PLCL2: variants seen among roughly 807,000 people sequenced by gnomAD.
PLCL2 encodes the protein phospholipase C like 2, also known as inactive phospholipase C-like protein 2.
PLCL2 carries 4 observed loss-of-function variants against 79.6 expected under a neutral mutation model. That is an observed-to-expected ratio of 0.05 (90% confidence interval 0.02 to 0.11). The LOEUF (loss-of-function observed/expected upper bound fraction) is 0.11. Among genes scored for constraint, PLCL2 ranks in the 10% least tolerant of loss-of-function variants. The pLI, the probability that PLCL2 is intolerant of heterozygous loss-of-function variation, is 1.00. For synonymous variants in PLCL2, 484 were observed against 457.7 expected, an observed-to-expected ratio of 1.06 and a Z score of -0.73; for missense variants, 895 against 1,291.0, an observed-to-expected ratio of 0.69 and a Z score of 4.70.
intron 5 of PLCL2, among the ~76,000 whole-genome samples, chr3:17,070,341 AG>A (rs1206196426): frequency 6.6e-6 from 1 of 152,236 alleles, no homozygotes; most frequent in Non-Finnish European, 1.5e-5. Flanking sequence ...GCTGACATAA[AG>A]CAGTGTGCCA....
chr3:16,950,165 C>T (rs1479625300), intron 1 of PLCL2, among the ~76,000 whole-genome samples: 1 of 152,078 alleles, frequency 6.6e-6, no homozygotes, highest in Non-Finnish European at 1.5e-5. Context: ...CTCTCAATTC[C>T]TTGCAAATTC....
intron 1 of PLCL2, among the ~76,000 whole-genome samples, chr3:16,909,394 G>A (rs1410901353): frequency 1.3e-5 from 2 of 152,160 alleles, no homozygotes; most frequent in African/African-American, 2.4e-5. Context: ...TCCTACAGAG[G>A]ACTGCTGTGC....
chr3:16,932,618 C>G (rs1258628911), intron 1 of PLCL2, among the ~76,000 whole-genome samples: 1 of 152,114 alleles, frequency 6.6e-6, no homozygotes, highest in Non-Finnish European at 1.5e-5. Context: ...TTGCAGTTCT[C>G]TTTTTGGAGA....
intron 1 of PLCL2, among the ~76,000 whole-genome samples, chr3:16,959,363 T>C (rs927449864): frequency 2.1e-4 from 32 of 152,232 alleles, no homozygotes; most frequent in Non-Finnish European, 4.7e-4. Context: ...ATCTTTATTT[T>C]ACGAAATTCA....
At chr3:17,075,199 C>T (rs1167074890) in intron 5 of PLCL2, among the ~76,000 whole-genome samples, 1 of 152,016 alleles carries the variant, frequency 6.6e-6, no homozygotes, top group Non-Finnish European at 1.5e-5. Context: ...TATTTTTTGG[C>T]CTAATTTTCA....
chr3:17,070,127 T>TG (rs1464692861), intron 5 of PLCL2, among the ~76,000 whole-genome samples: 1 of 152,204 alleles, frequency 6.6e-6, no homozygotes, highest in Admixed American at 6.5e-5. Context: ...TTCCTACTCA[T>TG]GTGTGGTCCG....
intron 1 of PLCL2, among the ~76,000 whole-genome samples, chr3:16,896,517 G>A (rs1241062079): frequency 1.3e-5 from 2 of 152,194 alleles, no homozygotes; most frequent in Admixed American, 6.5e-5. Flanking sequence ...AGGTGCACTC[G>A]AAAGTTTTAA....
chr3:16,969,461 A>C (rs1384941847), intron 1 of PLCL2, among the ~76,000 whole-genome samples: 1 of 152,028 alleles, frequency 6.6e-6, no homozygotes, highest in Non-Finnish European at 1.5e-5. Context: ...TTTCTGGTTC[A>C]ATCTTGGGAG....
At chr3:17,056,567 C>T (rs1193000711) in intron 4 of PLCL2, among the ~76,000 whole-genome samples, 1 of 152,096 alleles carries the variant, frequency 6.6e-6, no homozygotes, top group Non-Finnish European at 1.5e-5. Context: ...GAATATAAAG[C>T]AACTTCAATT....
chr3:17,074,013 T>C (rs2065086795), intron 5 of PLCL2, among the ~76,000 whole-genome samples: 1 of 152,236 alleles, frequency 6.6e-6, no homozygotes, highest in African/African-American at 2.4e-5. Flanking sequence ...ACCTCTCCCA[T>C]GAATCATGAA....
intron 1 of PLCL2, among the ~76,000 whole-genome samples, chr3:16,967,638 G>T (rs1459898197): frequency 6.6e-6 from 1 of 151,896 alleles, no homozygotes; most frequent in Non-Finnish European, 1.5e-5. Flanking sequence ...ATTTGCTTAA[G>T]TTCCTTATAG....
chr3:16,948,135 T>C (rs2063618116), intron 1 of PLCL2, among the ~76,000 whole-genome samples: 1 of 152,196 alleles, frequency 6.6e-6, no homozygotes, highest in Non-Finnish European at 1.5e-5. Context: ...AACTTATTAA[T>C]GGATAAATAT....
chr3:17,048,918 A>T (rs1192282802), intron 4 of PLCL2, among the ~76,000 whole-genome samples: 1 of 152,206 alleles, frequency 6.6e-6, no homozygotes, highest in East Asian at 1.9e-4. Flanking sequence ...AAGAGTCATG[A>T]CATTACAAGA....
At position 16,969,095 on chromosome 3, in the gene PLCL2, C is replaced by G. The variant is rs148796745; in HGVS notation, c.328-40579C>G. 3.8e-3 allele frequency among the ~76,000 whole-genome samples: 580 copies of G among 152,266 alleles called. 3 individuals carry two copies. The highest frequency in any genetic ancestry group is 0.014 in the African/African-American group (562 of 41,548). On this transcript the variant is annotated intron_variant, in intron 1 of 5. Coordinates refer to ENST00000615277, the MANE Select transcript of PLCL2 (RefSeq NM_001144382.2). ...CCTTGCATCTCAGGGATAAAGCCTA[C>G]TTGATCATGATGGATTAGCTTTTTG...
intron 3 of PLCL2, among the ~76,000 whole-genome samples, chr3:17,022,089 A>G (rs2064461539): frequency 1.3e-5 from 2 of 151,910 alleles, no homozygotes; most frequent in African/African-American, 2.4e-5. Context: ...TGTTTAGAGC[A>G]TTTTTATTGT....
At chr3:17,064,421 A>G (rs549444523) in intron 4 of PLCL2, among the ~76,000 whole-genome samples, 54 of 152,150 alleles carry the variant, frequency 3.5e-4, no homozygotes, top group Non-Finnish European at 7.2e-4. Context: ...CAGACAAACC[A>G]AGATTAAAAT....
At chr3:17,040,446 A>C (rs1182344770) in intron 3 of PLCL2, among the ~76,000 whole-genome samples, 2 of 152,222 alleles carry the variant, frequency 1.3e-5, no homozygotes, top group Non-Finnish European at 2.9e-5. Context: ...CAGCTTTTCA[A>C]GTGGAACTAA....
chr3:16,962,923 C>T (rs911224898), intron 1 of PLCL2, among the ~76,000 whole-genome samples: 1 of 151,976 alleles, frequency 6.6e-6, no homozygotes, highest in African/African-American at 2.4e-5. Context: ...CTTGCAAGTA[C>T]TTGAACCAAT....
chr3:16,976,745 G>A lies in PLCL2; in HGVS notation c.328-32929G>A, dbSNP rs191234242. On this transcript the variant is annotated intron_variant, in intron 1 of 5. Coordinates refer to ENST00000615277, the MANE Select transcript of PLCL2 (RefSeq NM_001144382.2). ...GAGAGAGTGGGGAGATGGAGGGAGG[G>A]ACAGTGTTGTCCTTATTTGTGGGGC... Among the ~76,000 whole-genome samples, 641 of 152,318 alleles carry A rather than the reference G, an allele frequency of 4.2e-3. 2 individuals are homozygous for A. The highest frequency in any genetic ancestry group is 0.015 in the African/African-American group (615 of 41,566).
Sources: allele counts gnomAD v4.1 joint callset (sites outside exome capture counted in the v4.1 genomes callset), GRCh38; gene constraint gnomAD v4.1.1; transcripts MANE v1.5; gene names NCBI Gene and HGNC (gene_info 2026-07-23, HGNC 2026-07-21).